LDLRAD4: variants seen among roughly 807,000 people sequenced by gnomAD.
The protein encoded by LDLRAD4 is low-density lipoprotein receptor class A domain-containing protein 4.
LDLRAD4 carries 5 observed loss-of-function variants against 17.0 expected under a neutral mutation model. The observed-to-expected ratio is 0.29, with a 90% CI of 0.15 to 0.62. The LOEUF is 0.62. Ranked by LOEUF, LDLRAD4 falls within the 20% of genes least tolerant of loss-of-function variation. LDLRAD4 has a pLI of 0.84. For synonymous variants in LDLRAD4, 168 were observed against 171.8 expected, an observed-to-expected ratio of 0.98 and a Z score of 0.17; for missense variants, 340 against 424.7, an observed-to-expected ratio of 0.80 and a Z score of 1.75.
chr18:13,566,642 C>T (rs578180564), intron 3 of LDLRAD4, among the ~76,000 whole-genome samples: 14 of 152,192 alleles, frequency 9.2e-5, no homozygotes, highest in Middle Eastern at 6.8e-3. Context: ...ATTACAGGCA[C>T]GAGACGCTGC....
At chr18:13,574,443 A>G (rs1180945093) in intron 3 of LDLRAD4, among the ~76,000 whole-genome samples, 2 of 151,998 alleles carry the variant, frequency 1.3e-5, no homozygotes, top group Non-Finnish European at 2.9e-5. Context: ...CTTCCTCACC[A>G]TGGCAGCAGC....
At chr18:13,286,404 G>A (rs1358084726) in intron 1 of LDLRAD4, among the ~76,000 whole-genome samples, 2 of 152,206 alleles carry the variant, frequency 1.3e-5, no homozygotes, top group African/African-American at 4.8e-5. Flanking sequence ...ACAGGGTCTT[G>A]CTTTGCCACC....
At chr18:13,626,260 T>A (rs1298896579) in intron 4 of LDLRAD4, among the ~76,000 whole-genome samples, 2 of 152,194 alleles carry the variant, frequency 1.3e-5, no homozygotes, top group Non-Finnish European at 2.9e-5. Context: ...CTAGATTTCT[T>A]TTCATTATCT....
chr18:13,542,677 G>T (rs1015744572), intron 3 of LDLRAD4, among the ~76,000 whole-genome samples: 1 of 152,130 alleles, frequency 6.6e-6, no homozygotes, highest in Non-Finnish European at 1.5e-5. Context: ...GCGGGCGGAG[G>T]TGGGTGCTCC....
intron 3 of LDLRAD4, among the ~76,000 whole-genome samples, chr18:13,467,989 A>G (rs1310761519): frequency 6.6e-6 from 1 of 152,250 alleles, no homozygotes; most frequent in Non-Finnish European, 1.5e-5. Context: ...AATTAGCTTG[A>G]AATGTATCAA....
At chr18:13,601,633 G>A (rs999613587) in intron 3 of LDLRAD4, among the ~76,000 whole-genome samples, 16 of 140,488 alleles carry the variant, frequency 1.1e-4, no homozygotes, top group East Asian at 4.3e-4. Context: ...CAGCCTGGGC[G>A]ACAGAGTGAG....
chr18:13,390,761 G>A (rs1376902164), intron 2 of LDLRAD4, among the ~76,000 whole-genome samples: 1 of 152,240 alleles, frequency 6.6e-6, no homozygotes, highest in African/African-American at 2.4e-5. Flanking sequence ...TGTTCACACT[G>A]TTGGGTGCGC....
intron 3 of LDLRAD4, among the ~76,000 whole-genome samples, chr18:13,552,817 G>T (rs968320922): frequency 3.3e-5 from 5 of 152,172 alleles, no homozygotes; most frequent in African/African-American, 7.2e-5. Context: ...CCGAGCTTCA[G>T]TTTGGGATTG....
intron 1 of LDLRAD4, among the ~76,000 whole-genome samples, chr18:13,377,830 C>G (rs540550708): frequency 6.6e-6 from 1 of 152,342 alleles, no homozygotes; most frequent in East Asian, 1.9e-4. Flanking sequence ...CCAGACAACA[C>G]AGAGTCTCCC....
intron 1 of LDLRAD4, among the ~76,000 whole-genome samples, chr18:13,385,712 A>G (rs1405123366): frequency 6.6e-6 from 1 of 152,192 alleles, no homozygotes; most frequent in Non-Finnish European, 1.5e-5. Context: ...CCATTTCCCA[A>G]AGTTCATGAT....
intron 3 of LDLRAD4, among the ~76,000 whole-genome samples, chr18:13,562,688 C>T (rs539925154): frequency 6.6e-5 from 10 of 152,166 alleles, no homozygotes; most frequent in South Asian, 2.1e-4. Flanking sequence ...CCTCTGCTTC[C>T]GTGAGTTCCA....
intron 2 of LDLRAD4, among the ~76,000 whole-genome samples, chr18:13,403,689 A>T (rs1430673247): frequency 6.6e-6 from 1 of 152,228 alleles, no homozygotes; most frequent in Non-Finnish European, 1.5e-5. Flanking sequence ...GTTCTCTTTC[A>T]ACAGGGGATG....
At chr18:13,313,859 T>G (rs1367631126) in intron 1 of LDLRAD4, among the ~76,000 whole-genome samples, 1 of 152,228 alleles carries the variant, frequency 6.6e-6, no homozygotes, top group Non-Finnish European at 1.5e-5. Context: ...ATGACATATT[T>G]TAGCGTTTGG....
At chr18:13,375,693 A>G (rs1461008742) in intron 1 of LDLRAD4, among the ~76,000 whole-genome samples, 1 of 152,090 alleles carries the variant, frequency 6.6e-6, no homozygotes, top group Non-Finnish European at 1.5e-5. Context: ...TATGGAGTGG[A>G]GTTTACTGGG....
chr18:13,618,990 G>A (rs962609262), intron 3 of LDLRAD4, among the ~76,000 whole-genome samples: 1 of 152,224 alleles, frequency 6.6e-6, no homozygotes, highest in African/African-American at 2.4e-5. Context: ...CGGGCACTCT[G>A]CAGCCAGTGC....
rs556708236 is a variant in LDLRAD4, at chr18:13,265,100, C to T, written c.-466-13005C>T. On this transcript the variant is annotated intron_variant, in intron 1 of 5. Coordinates refer to the LDLRAD4 transcript ENST00000399848. ...GTGATTCTACCTTCTAAGTGTTTTC[C>T]ACATGGCTCCTTTCCTCCCGCTGTG... is the stretch of plus-strand genomic sequence containing the variant. Among the ~76,000 whole-genome samples the T allele has an allele frequency of 2.6e-5, 4 of 152,300 alleles. No homozygotes were observed. The South Asian group carries it at 8.3e-4, about 32-fold the overall frequency.
chr18:13,327,323 G>A (rs1475645487), intron 1 of LDLRAD4, among the ~76,000 whole-genome samples: 1 of 152,054 alleles, frequency 6.6e-6, no homozygotes, highest in East Asian at 1.9e-4. Flanking sequence ...TTGATGATGA[G>A]TGTATGTGGC....
intron 3 of LDLRAD4, among the ~76,000 whole-genome samples, chr18:13,448,588 C>A (rs375828678): frequency 1.3e-5 from 2 of 151,254 alleles, no homozygotes; most frequent in South Asian, 4.2e-4. Context: ...CATGAAGACT[C>A]CCAGTGTAAG....
At chr18:13,407,498 A>G (rs2087878416) in intron 2 of LDLRAD4, among the ~76,000 whole-genome samples, 2 of 152,190 alleles carry the variant, frequency 1.3e-5, no homozygotes, top group Non-Finnish European at 2.9e-5. Context: ...TGACTTTTCT[A>G]ATTTGTACCA....
Sources: gnomAD v4.1 joint callset for allele counts (sites outside exome capture counted in the v4.1 genomes callset) on GRCh38, gnomAD v4.1.1 for gene constraint, MANE v1.5 for transcripts, NCBI Gene and HGNC (gene_info 2026-07-23, HGNC 2026-07-21) for gene names.